Variants in CRIM1 observed in about 807,000 individuals in gnomAD.
CRIM1 encodes the protein cysteine-rich motor neuron 1 protein.
CRIM1 carries 32 observed loss-of-function variants against 116.4 expected under a neutral mutation model. The ratio of observed to expected loss-of-function variants is 0.27; its 90% CI spans 0.21 to 0.37. The LOEUF is 0.37. Among genes scored for constraint, CRIM1 ranks in the 10% least tolerant of loss-of-function variants. CRIM1 has a pLI of 1.00. For missense variants in CRIM1, 1,331 were observed against 1,354.8 expected (o/e 0.98, Z 0.28); for synonymous variants, 590 against 509.2 (o/e 1.16, Z -2.13).
chr2:36,448,661 C>G (rs773418272), intron 4 of CRIM1, among the ~76,000 whole-genome samples: 67 of 152,180 alleles, frequency 4.4e-4, no homozygotes, highest in Non-Finnish European at 9.0e-4. Flanking sequence ...TGACAAGTCA[C>G]CTATTTTAAA....
intron 1 of CRIM1, among the ~76,000 whole-genome samples, chr2:36,385,599 A>C (rs1251989364): frequency 6.6e-6 from 1 of 152,084 alleles, no homozygotes; most frequent in Non-Finnish European, 1.5e-5. Flanking sequence ...CATCAGCAGG[A>C]GTCTCCAGGC....
chr2:36,546,701 C>T (rs1173897067), intron 15 of CRIM1, among the ~76,000 whole-genome samples: 7 of 148,630 alleles, frequency 4.7e-5, no homozygotes, highest in African/African-American at 1.7e-4. Context: ...TAAGCACCTT[C>T]TTATTTCCTT....
chr2:36,435,234 T>G (rs1675210816), intron 2 of CRIM1, among the ~76,000 whole-genome samples: 1 of 152,110 alleles, frequency 6.6e-6, no homozygotes, highest in South Asian at 2.1e-4. Flanking sequence ...CCTACTAAAT[T>G]TCCGCTATCA....
chr2:36,393,264 A>ATGTG (rs1268369567), intron 1 of CRIM1, among the ~76,000 whole-genome samples: 1 of 152,152 alleles, frequency 6.6e-6, no homozygotes, highest in Non-Finnish European at 1.5e-5. Context: ...TTTCTTTGAA[A>ATGTG]TGTGTGCCTC....
intron 7 of CRIM1, among the ~76,000 whole-genome samples, chr2:36,484,014 A>G (rs1403802802): frequency 6.6e-6 from 1 of 152,224 alleles, no homozygotes; most frequent in Non-Finnish European, 1.5e-5. Context: ...TCTACAGGCC[A>G]GTTGGACCAG....
At chr2:36,406,631 CCCA>C (rs796876545) in intron 2 of CRIM1, among the ~76,000 whole-genome samples, 4,485 of 143,264 alleles carry the variant, frequency 0.031, 227 homozygotes, top group East Asian at 0.087. Flanking sequence ...CTCCCCCCCC[CCCA>C]AAAAAAAACA....
At chr2:36,494,615 T>C (rs1680454401) in intron 7 of CRIM1, among the ~76,000 whole-genome samples, 1 of 152,090 alleles carries the variant, frequency 6.6e-6, no homozygotes. Context: ...TAAAAATCGT[T>C]CAAGAAAACA....
intron 5 of CRIM1, among the ~76,000 whole-genome samples, chr2:36,469,541 A>G (rs879284217): frequency 4.6e-5 from 7 of 152,188 alleles, no homozygotes; most frequent in Non-Finnish European, 7.3e-5. Context: ...TCTCTAAGAC[A>G]GTAACATGTG....
intron 2 of CRIM1, 125 bp downstream of exon 2, chr2:36,396,912 C>G: frequency 1.3e-6 from 1 of 792,948 alleles, no homozygotes; most frequent in Non-Finnish European, 2.0e-6. Context: ...TTGTATAATC[C>G]CAACTAAGAT....
chr2:36,502,619 T>G (rs1681079523), intron 8 of CRIM1, among the ~76,000 whole-genome samples: 1 of 152,134 alleles, frequency 6.6e-6, no homozygotes, highest in South Asian at 2.1e-4. Context: ...TGCAAGACCT[T>G]CCCTAAGGAA....
At chr2:36,444,684 C>A (rs1676107772) in intron 4 of CRIM1, among the ~76,000 whole-genome samples, 1 of 152,206 alleles carries the variant, frequency 6.6e-6, no homozygotes, top group African/African-American at 2.4e-5. Context: ...GTTCTCACAG[C>A]TCTTTAGTTT....
chr2:36,513,845 G>T, intron 11 of CRIM1, 80 bp downstream of exon 11: 1 of 1,338,430 alleles, frequency 7.5e-7, no homozygotes, highest in Non-Finnish European at 1.0e-6. Flanking sequence ...TTGTAACTCT[G>T]GGGAGGTTGG....
chr2:36,437,069 G>A (rs926451213), intron 2 of CRIM1, among the ~76,000 whole-genome samples: 2 of 152,122 alleles, frequency 1.3e-5, no homozygotes, highest in African/African-American at 2.4e-5. Context: ...AATGAACCAA[G>A]CATTAATCTT....
At chr2:36,503,421 G>A (rs1176575827) in intron 8 of CRIM1, among the ~76,000 whole-genome samples, 1 of 140,090 alleles carries the variant, frequency 7.1e-6, no homozygotes. Context: ...ATGAATGAAT[G>A]CAAAGCTAAC....
intron 1 of CRIM1, among the ~76,000 whole-genome samples, chr2:36,361,703 A>G (rs567657297): frequency 6.6e-6 from 1 of 152,326 alleles, no homozygotes; most frequent in Non-Finnish European, 1.5e-5. Flanking sequence ...CTATGGTGCA[A>G]GCAGAGATGA....
intron 8 of CRIM1, among the ~76,000 whole-genome samples, chr2:36,506,575 A>G (rs911540760): frequency 4.6e-5 from 7 of 152,078 alleles, no homozygotes; most frequent in African/African-American, 1.4e-4. Context: ...CTATTTTTCC[A>G]GAATGAACAG....
intron 7 of CRIM1, among the ~76,000 whole-genome samples, chr2:36,490,125 A>G (rs148059522): frequency 9.3e-4 from 141 of 152,252 alleles, no homozygotes; most frequent in African/African-American, 3.2e-3. Flanking sequence ...TTGCCATACT[A>G]TTTATCAGCT....
intron 2 of CRIM1, among the ~76,000 whole-genome samples, chr2:36,427,362 C>T (rs1674533727): frequency 6.6e-6 from 1 of 152,132 alleles, no homozygotes; most frequent in Admixed American, 6.5e-5. Context: ...AGTCTTTCAG[C>T]CATCAGCAGG....
chr2:36,479,490 C>T lies in CRIM1; in HGVS notation c.1175-7C>T. The T allele has an allele frequency of 6.2e-7, 1 of 1,613,830 alleles. No individual in the cohort carries two copies. ...CAGTCTAACTCTGAACTCATGTTCT[C>T]ATTTAGATCCAGTGTATCCTTTTAA... On this transcript the variant is annotated splice_polypyrimidine_tract_variant and splice_region_variant and intron_variant, in intron 6 of 16. Coordinates refer to ENST00000280527, the MANE Select transcript of CRIM1 (RefSeq NM_016441.3).
Sources: allele counts gnomAD v4.1 joint callset (sites outside exome capture counted in the v4.1 genomes callset), GRCh38; gene constraint gnomAD v4.1.1; transcripts MANE v1.5; gene names NCBI Gene and HGNC (gene_info 2026-07-23, HGNC 2026-07-21).